ZC3H12B: variants seen among roughly 807,000 people sequenced by gnomAD.
The protein encoded by ZC3H12B is probable ribonuclease ZC3H12B.
Under a neutral mutation model 43.9 loss-of-function variants are expected in ZC3H12B, and 7 were observed. The ratio of observed to expected loss-of-function variants is 0.16; its 90% CI spans 0.09 to 0.30. ZC3H12B has a LOEUF of 0.30. Among genes scored for constraint, ZC3H12B ranks in the 10% least tolerant of loss-of-function variants. ZC3H12B has a pLI of 1.00. For synonymous variants in ZC3H12B, 222 were observed against 241.7 expected (o/e 0.92, Z 0.76); for missense variants, 475 against 670.2 (o/e 0.71, Z 3.22).
At chrX:65,134,314 G>T in the ZC3H12B span, among the ~76,000 whole-genome samples, 1 of 111,093 alleles carries the variant, frequency 9.0e-6, no homozygotes, top group South Asian at 4.0e-4. Context: ...TCCCCTCAGT[G>T]ATCAGACACC....
chrX:65,057,099 ATTG>A, the ZC3H12B span, among the ~76,000 whole-genome samples: 2 of 111,596 alleles, frequency 1.8e-5, no homozygotes, highest in African/African-American at 3.3e-5. Flanking sequence ...TAAGGTTAAT[ATTG>A]TTATGTGTGA....
chrX:65,374,300 A>C (rs1445673254), intron 2 of ZC3H12B, among the ~76,000 whole-genome samples: 1 of 94,439 alleles, frequency 1.1e-5, no homozygotes, highest in Non-Finnish European at 2.1e-5. Flanking sequence ...ATGAAAAGAA[A>C]AACTACCTAT....
At chrX:65,201,339 G>A in the ZC3H12B span, among the ~76,000 whole-genome samples, 150 of 111,665 alleles carry the variant, frequency 1.3e-3, no homozygotes, top group African/African-American at 4.7e-3. Flanking sequence ...TGTGTATAGA[G>A]ATGTCTATAA....
chrX:65,248,248 G>C, the ZC3H12B span, among the ~76,000 whole-genome samples: 1 of 110,844 alleles, frequency 9.0e-6, no homozygotes, highest in Non-Finnish European at 1.9e-5. Flanking sequence ...ATGTTGTCCT[G>C]GCTGGTCTTG....
At chrX:65,093,426 T>G in the ZC3H12B span, among the ~76,000 whole-genome samples, 1 of 111,894 alleles carries the variant, frequency 8.9e-6, no homozygotes, top group Non-Finnish European at 1.9e-5. Context: ...TTGCACCTTG[T>G]GCCTGGAAAA....
chrX:65,393,375 G>A (rs1189206253), intron 2 of ZC3H12B, among the ~76,000 whole-genome samples: 1 of 111,485 alleles, frequency 9.0e-6, no homozygotes, highest in Non-Finnish European at 1.9e-5. Flanking sequence ...GTGGTTTGCT[G>A]CACCTTTCAA....
At chrX:65,169,438 A>G in the ZC3H12B span, among the ~76,000 whole-genome samples, 2 of 111,883 alleles carry the variant, frequency 1.8e-5, no homozygotes, top group African/African-American at 6.5e-5. Flanking sequence ...TTTGCTGAGG[A>G]GTGCTTTACT....
At chrX:65,485,417 C>A (rs1220567829), upstream of ZC3H12B, among the ~76,000 whole-genome samples, 1 of 111,789 alleles carries the variant, frequency 8.9e-6, no homozygotes, top group Non-Finnish European at 1.9e-5. Context: ...CCATGCCTGA[C>A]TAATTTTAGT....
At chrX:65,346,859 G>A in the ZC3H12B span, among the ~76,000 whole-genome samples, 1 of 112,218 alleles carries the variant, frequency 8.9e-6, no homozygotes, top group Non-Finnish European at 1.9e-5. Flanking sequence ...GGGGAATGGG[G>A]CGGCTGTGGG....
the ZC3H12B span, among the ~76,000 whole-genome samples, chrX:65,354,726 A>T: frequency 8.9e-6 from 1 of 112,081 alleles, no homozygotes; most frequent in Non-Finnish European, 1.9e-5. Flanking sequence ...AAAAGGTTAG[A>T]GGTATTGCTA....
the ZC3H12B span, among the ~76,000 whole-genome samples, chrX:65,188,933 C>T: frequency 1.1e-5 from 1 of 92,743 alleles, no homozygotes; most frequent in Admixed American, 1.2e-4. Context: ...TCTCCCAATG[C>T]TATCCCTCCC....
chrX:65,421,159 G>A (rs1449033398), intron 3 of ZC3H12B, among the ~76,000 whole-genome samples: 1 of 112,438 alleles, frequency 8.9e-6, no homozygotes. Flanking sequence ...AACAACACTA[G>A]ACTTATTGGT....
the ZC3H12B span, among the ~76,000 whole-genome samples, chrX:65,164,783 A>G: frequency 1.8e-5 from 2 of 112,040 alleles, no homozygotes; most frequent in African/African-American, 6.5e-5. Context: ...CTCTGAAAAA[A>G]GAGGTACTGG....
At chrX:65,461,134 T>C (rs1462197631) in intron 3 of ZC3H12B, among the ~76,000 whole-genome samples, 3 of 111,733 alleles carry the variant, frequency 2.7e-5, no homozygotes, top group Non-Finnish European at 5.6e-5. Context: ...AACAGAGAAA[T>C]GCAAATCAAA....
chrX:65,437,758 C>A (rs1420660417), intron 3 of ZC3H12B, among the ~76,000 whole-genome samples: 1 of 111,415 alleles, frequency 9.0e-6, no homozygotes, highest in African/African-American at 3.3e-5. Context: ...TTGAAATAAC[C>A]CCATTCATCC....
chrX:65,112,777 G>A, the ZC3H12B span, among the ~76,000 whole-genome samples: 5 of 111,641 alleles, frequency 4.5e-5, no homozygotes, highest in African/African-American at 6.5e-5. Flanking sequence ...TCACTGAAGA[G>A]CTCTGATGGA....
At chrX:65,284,253 A>C in the ZC3H12B span, among the ~76,000 whole-genome samples, 2,931 of 85,191 alleles carry the variant, frequency 0.034, 90 homozygotes, top group East Asian at 0.15. Context: ...CACACACACA[A>C]AAAAAAAAAA....
At chrX:65,381,678 A>G (rs1390762639) in intron 2 of ZC3H12B, among the ~76,000 whole-genome samples, 1 of 112,180 alleles carries the variant, frequency 8.9e-6, no homozygotes, top group Non-Finnish European at 1.9e-5. Context: ...GGTTTTTTGA[A>G]AAGATCAACA....
chrX:65,084,796 T>C, the ZC3H12B span, among the ~76,000 whole-genome samples: 7 of 112,828 alleles, frequency 6.2e-5, no homozygotes, highest in Non-Finnish European at 1.1e-4. Flanking sequence ...ATTTAAGTGA[T>C]AGTTGCACTC....
Sources: gnomAD v4.1 joint callset for allele counts (sites outside exome capture counted in the v4.1 genomes callset) on GRCh38, gnomAD v4.1.1 for gene constraint, MANE v1.5 for transcripts, NCBI Gene and HGNC (gene_info 2026-07-23, HGNC 2026-07-21) for gene names.